The following LYRM2 variants were observed in gnomAD, a reference collection of about 807,000 sequenced individuals.
LYRM2 encodes the protein LYR motif containing 2, also known as LYR motif-containing protein 2.
LYRM2 carries 8 observed loss-of-function variants against 11.6 expected under a neutral mutation model. The ratio of observed to expected loss-of-function variants is 0.69; its 90% CI spans 0.40 to 1.24. The LOEUF is 1.24. Ranked by LOEUF, LYRM2 falls within the 50% of genes most tolerant of loss-of-function variation. The pLI, the probability that LYRM2 is intolerant of heterozygous loss-of-function variation, is 0.01. For missense variants in LYRM2, 117 were observed against 102.9 expected (o/e 1.14, Z -0.59); for synonymous variants, 30 against 36.4 (o/e 0.83, Z 0.63).
intron 1 of LYRM2, 82 bp downstream of exon 1, chr6:89,638,590 C>T: frequency 6.2e-7 from 1 of 1,602,618 alleles, no homozygotes; most frequent in Non-Finnish European, 8.5e-7. Context: ...CCCCGGAACC[C>T]GCCCCGTTGG....
At position 89,638,571 on chromosome 6, in the gene LYRM2, G is replaced by A. The variant is rs1808087346; in HGVS notation, c.45+101C>T. 1.8e-5 allele frequency: 28 copies of A among 1,594,412 alleles called. No homozygotes were observed. In the South Asian group the frequency reaches 2.9e-4, roughly 16 times the overall value. ...GCCAATCTCAGAGGGCGCGCACGCCGCATCAGGACCCCGGAACCCGCCCCG... is the reference window on the plus strand; with the variant it reads ...GCCAATCTCAGAGGGCGCGCACGCCACATCAGGACCCCGGAACCCGCCCCG... On this transcript the variant is annotated intron_variant, in intron 1 of 2. Coordinates refer to ENST00000523377, the MANE Select transcript of LYRM2 (RefSeq NM_020466.5).
In LYRM2 at chr6:89,634,697, A is replaced by ACC. The variant is rs920991808; in HGVS notation, c.*2574_*2575dup. On this transcript the variant is annotated 3_prime_UTR_variant, in exon 3 of 3. Coordinates refer to ENST00000523377, the MANE Select transcript of LYRM2 (RefSeq NM_020466.5). ...CCACACTCCAGCTTGTGCAACAGAG[A>ACC]CCCTGTCTCAAAAAAAAGTCATCTG... 5.3e-5 allele frequency: 8 copies of ACC among 152,092 alleles called. No homozygotes were observed. The highest frequency in any genetic ancestry group is 3.9e-4 in the East Asian group (2 of 5,186). 9.4% of individuals were successfully genotyped at this position (152,092 alleles called of 1,614,324 possible). A position where few individuals can be genotyped will look rare whatever the true frequency, so the allele number is the denominator to read the frequency against.
At position 89,633,835 on chromosome 6, in the gene LYRM2, A is replaced by G. The variant is rs1276414590; in HGVS notation, c.*3438T>C. ...TTATTAAAAAAATGCAAGTGTGAAT[A>G]CTTTGTTTAGCTTACATTTTAATTT... On this transcript the variant is annotated 3_prime_UTR_variant, in exon 3 of 3. Coordinates refer to ENST00000523377, the MANE Select transcript of LYRM2 (RefSeq NM_020466.5). 1 of 152,252 alleles carries G rather than the reference A, an allele frequency of 6.6e-6. No individual in the cohort carries two copies. The highest frequency in any genetic ancestry group is 2.4e-5 in the African/African-American group (1 of 41,466). The allele number at this position is 152,252 out of a possible 1,614,324, so 9.4% of individuals were successfully genotyped here. A position where few individuals can be genotyped will look rare whatever the true frequency, so the allele number is the denominator to read the frequency against.
chr6:89,635,461 C>G lies in LYRM2; in HGVS notation c.*1812G>C, dbSNP rs1232093034. 7 of 152,244 alleles carry G rather than the reference C, an allele frequency of 4.6e-5. No individual in the cohort carries two copies. In the South Asian group the frequency reaches 8.3e-4, roughly 18 times the overall value. The allele number at this position is 152,244 out of a possible 1,614,324, so 9.4% of individuals were successfully genotyped here. A position where few individuals can be genotyped will look rare whatever the true frequency, so the allele number is the denominator to read the frequency against. On this transcript the variant is annotated 3_prime_UTR_variant, in exon 3 of 3. Coordinates refer to ENST00000523377, the MANE Select transcript of LYRM2 (RefSeq NM_020466.5). ...TCAGAATTATTTTGTCTTGTGGGCTCTGAGGCTCTGGGAGGTAGAGGTGGA... is the reference window on the plus strand; with the variant it reads ...TCAGAATTATTTTGTCTTGTGGGCTGTGAGGCTCTGGGAGGTAGAGGTGGA...
At chr6:89,638,620 A>G in intron 1 of LYRM2, 52 bp downstream of exon 1, 1 of 1,612,688 alleles carries the variant, frequency 6.2e-7, no homozygotes, top group South Asian at 1.1e-5. Context: ...CAGATGGAGA[A>G]TCCAGCTCAG....
chr6:89,638,535 G>A (rs1314611242), intron 1 of LYRM2, 137 bp downstream of exon 1: 8 of 1,567,280 alleles, frequency 5.1e-6, no homozygotes, highest in Non-Finnish European at 6.9e-6. Flanking sequence ...GCACCGCCCC[G>A]CAGGCATCGG....
chr6:89,638,299 A>G (rs1808072756), intron 1 of LYRM2: 3 of 1,168,980 alleles, frequency 2.6e-6, no homozygotes, highest in Non-Finnish European at 3.2e-6. Flanking sequence ...CCGGTCTCCT[A>G]GAAGTTGTTA....
Position 89,635,109 on chromosome 6 carries a change from TTGCAAA to T in LYRM2, c.*2158_*2163del, listed in dbSNP as rs1807959089. On this transcript the variant is annotated 3_prime_UTR_variant, in exon 3 of 3. Transcript: ENST00000523377. ...TCTTGGAGTCTGTGCTAGTTGAATCTTGCAAATGCAAACCACATACGCTCTTTAATG... is the reference window on the plus strand; with the variant it reads ...TCTTGGAGTCTGTGCTAGTTGAATCTTGCAAACCACATACGCTCTTTAATG... 1 of 152,362 alleles carries T rather than the reference TTGCAAA, an allele frequency of 6.6e-6. No homozygotes were observed. Among genetic ancestry groups the T allele is most frequent in the South Asian group, 2.1e-4 (1 of 4,830 alleles). The allele number at this position is 152,362 out of a possible 1,614,324, so 9.4% of individuals were successfully genotyped here. A position where few individuals can be genotyped will look rare whatever the true frequency, so the allele number is the denominator to read the frequency against.
rs1807953688 is a variant in LYRM2, at chr6:89,635,033, A to G, written c.*2240T>C. ...CCAAAGTGTGTGGATTACTTGTGTA[A>G]GCCACAGTGCCCGGCCTTACCTGCT... is the stretch of plus-strand genomic sequence containing the variant. On this transcript the variant is annotated 3_prime_UTR_variant, in exon 3 of 3. Coordinates refer to ENST00000523377, the MANE Select transcript of LYRM2 (RefSeq NM_020466.5). 6.7e-6 allele frequency: 1 copy of G among 148,236 alleles called. No homozygotes were observed. The highest frequency in any genetic ancestry group is 2.2e-4 in the South Asian group (1 of 4,588). The allele number at this position is 148,236 out of a possible 1,614,324, so 9.2% of individuals were successfully genotyped here.
chr6:89,637,588 A>C (rs999002902), intron 2 of LYRM2, 154 bp downstream of exon 2: 1 of 710,192 alleles, frequency 1.4e-6, no homozygotes, highest in African/African-American at 1.8e-5. Flanking sequence ...TAAATTTTAA[A>C]ATAATAATTT....
In LYRM2 at chr6:89,636,954, T is replaced by TA. The variant is rs1808022532; in HGVS notation, c.*318dup. 1 of 191,320 alleles carries TA rather than the reference T, an allele frequency of 5.2e-6. No individual in the cohort carries two copies. Among genetic ancestry groups the TA allele is most frequent in the Non-Finnish European group, 1.1e-5 (1 of 92,614 alleles). 11.9% of individuals were successfully genotyped at this position (191,320 alleles called of 1,614,324 possible). A position where few individuals can be genotyped will look rare whatever the true frequency, so the allele number is the denominator to read the frequency against. ...CCACAGCCTCCTAAAGTACTGGGAT[T>TA]ACAAGCATGAGCCACTACACCCGAC... On this transcript the variant is annotated 3_prime_UTR_variant, in exon 3 of 3. Transcript: ENST00000523377.
rs1808026775 is a variant in LYRM2, at chr6:89,637,088, A to G, written c.*185T>C. ...AAGAACTGCTGAGACATCCATAAAC[A>G]TTTTCAAAATGCAGGGTATGTTTTT... On this transcript the variant is annotated 3_prime_UTR_variant, in exon 3 of 3. Coordinates refer to ENST00000523377, the MANE Select transcript of LYRM2 (RefSeq NM_020466.5). 2 of 486,602 alleles carry G rather than the reference A, an allele frequency of 4.1e-6. No homozygotes were observed. Among genetic ancestry groups the G allele is most frequent in the East Asian group, 6.8e-5 (2 of 29,442 alleles). 30.1% of individuals were successfully genotyped at this position (486,602 alleles called of 1,614,324 possible).
rs143903823 is a variant in LYRM2 at position 89,632,500 on chromosome 6, C to G, written c.*4773G>C. On this transcript the variant is annotated 3_prime_UTR_variant, in exon 3 of 3. Transcript: ENST00000523377. ...GTGGCATGATCACACCTCACTGCAGCCTTGGCCTCTCAGGCTCGTGATCCT... is the reference window on the plus strand; with the variant it reads ...GTGGCATGATCACACCTCACTGCAGGCTTGGCCTCTCAGGCTCGTGATCCT... The G allele has an allele frequency of 6.6e-6, 1 of 152,300 alleles. No individual in the cohort carries two copies. The highest frequency in any genetic ancestry group is 6.5e-5 in the Admixed American group (1 of 15,306). The allele number at this position is 152,300 out of a possible 1,614,324, so 9.4% of individuals were successfully genotyped here.
chr6:89,638,397 C>G, intron 1 of LYRM2: 2 of 1,400,566 alleles, frequency 1.4e-6, no homozygotes, highest in Middle Eastern at 2.5e-4. Flanking sequence ...GTGCAATAGA[C>G]TTTTACCGTG....
In LYRM2 at chr6:89,635,259, T is replaced by TATCA. The variant is rs1176575102; in HGVS notation, c.*2010_*2013dup. ...AGATTTACTAGAGATAGCATGTATC[T>TATCA]ATCAATCATGTCACACAAAAAATAT... On this transcript the variant is annotated 3_prime_UTR_variant, in exon 3 of 3. Transcript: ENST00000523377. 1 of 152,256 alleles carries TATCA rather than the reference T, an allele frequency of 6.6e-6. No homozygotes were observed. The highest frequency in any genetic ancestry group is 1.5e-5 in the Non-Finnish European group (1 of 68,040). 9.4% of individuals were successfully genotyped at this position (152,256 alleles called of 1,614,324 possible).
chr6:89,638,025 T>C, intron 1 of LYRM2, 143 bp from the exon 2 acceptor site: 5 of 952,410 alleles, frequency 5.2e-6, no homozygotes, highest in Non-Finnish European at 7.7e-6. Context: ...TTTTTTCTTT[T>C]TTTGGCCAGA....
At position 89,638,682 on chromosome 6, in the gene LYRM2, G is replaced by A. The variant is rs1236858319; in HGVS notation, c.35C>T (p.Thr12Met). The change falls in exon 1 of 3, where the codon ACG (threonine) becomes ATG (methionine). Residue 12 changes from threonine (T) to methionine (M), a missense_variant. Physicochemically the swap from Thr to Met is moderately conservative, Grantham distance 81. Transcript: ENST00000523377. Reference sequence around the variant, plus strand: ...GAGAACCGCCGGTACCTGCTTTAACGTTAGCGTCGCTGGGGGTAAGCGGGA... The same window carrying A: ...GAGAACCGCCGGTACCTGCTTTAACATTAGCGTCGCTGGGGGTAAGCGGGA... ...AASRLPPATL[T>M]LKQFVRRQQV... 1.9e-6 allele frequency: 3 copies of A among 1,614,028 alleles called. No individual in the cohort carries two copies. Among genetic ancestry groups the A allele is most frequent in the African/African-American group, 2.7e-5 (2 of 74,938 alleles).
chr6:89,638,684 T>A lies in LYRM2; in HGVS notation c.33A>T (p.Leu11=). The A allele has an allele frequency of 6.2e-7, 1 of 1,614,052 alleles. No homozygotes were observed. The highest frequency in any genetic ancestry group is 8.5e-7 in the Non-Finnish European group (1 of 1,179,918). The change falls in exon 1 of 3, where the codon CTA becomes CTT. Residue 11 remains leucine (L), a synonymous_variant. Transcript: ENST00000523377. MAASRLPPAT[L]TLKQFVRRQQ... is the part of the protein sequence containing the mutation. ...GAACCGCCGGTACCTGCTTTAACGT[T>A]AGCGTCGCTGGGGGTAAGCGGGAAG...
rs1307401480 is a variant in LYRM2 at position 89,635,209 on chromosome 6, GGAT to G, written c.*2061_*2063del. 1.3e-5 allele frequency: 2 copies of G among 152,136 alleles called. No homozygotes were observed. Among genetic ancestry groups the G allele is most frequent in the African/African-American group, 4.8e-5 (2 of 41,420 alleles). The allele number at this position is 152,136 out of a possible 1,614,324, so 9.4% of individuals were successfully genotyped here. The stretch of plus-strand genomic sequence containing the variant: ...ATCACTGACTTCTACACCCATAAAA[GGAT>G]GATTTTGAGTTTCAAGATTTTAGAT... On this transcript the variant is annotated 3_prime_UTR_variant, in exon 3 of 3. Coordinates refer to ENST00000523377, the MANE Select transcript of LYRM2 (RefSeq NM_020466.5).
Sources: gnomAD v4.1 joint callset for allele counts on GRCh38, gnomAD v4.1.1 for gene constraint, MANE v1.5 for transcripts, NCBI Gene and HGNC (gene_info 2026-07-23, HGNC 2026-07-21) for gene names.